EVI5: variants seen among roughly 807,000 people sequenced by gnomAD.
EVI5 encodes ecotropic viral integration site 5 protein homolog.
Under a neutral mutation model 112.0 loss-of-function variants are expected in EVI5, and 73 were observed. That is an observed-to-expected ratio of 0.65 (90% confidence interval 0.54 to 0.79). The LOEUF is 0.79. EVI5 is among the 30% of genes least tolerant of loss of function. The pLI is 0.00. For missense variants in EVI5, 900 were observed against 968.8 expected, an observed-to-expected ratio of 0.93 and a Z score of 0.94; for synonymous variants, 305 against 319.9, an observed-to-expected ratio of 0.95 and a Z score of 0.50.
intron 16 of EVI5, among the ~76,000 whole-genome samples, chr1:92,620,807 A>T (rs984934727): frequency 5.3e-5 from 8 of 152,192 alleles, no homozygotes; most frequent in African/African-American, 1.9e-4. Flanking sequence ...AAGAGTGCTG[A>T]AACAGAATAT....
chr1:92,699,533 G>A (rs779770494), intron 5 of EVI5, among the ~76,000 whole-genome samples: 1 of 152,098 alleles, frequency 6.6e-6, no homozygotes, highest in African/African-American at 2.4e-5. Context: ...CACAGCACTG[G>A]AAGGGGACAG....
chr1:92,783,550 A>G (rs1174481670), intron 1 of EVI5, among the ~76,000 whole-genome samples: 1 of 151,502 alleles, frequency 6.6e-6, no homozygotes, highest in Non-Finnish European at 1.5e-5. Flanking sequence ...ACGGTGGCTC[A>G]CGCCTGTAAC....
chr1:92,761,044 C>A (rs779656274), intron 1 of EVI5, among the ~76,000 whole-genome samples: 11 of 114,746 alleles, frequency 9.6e-5, no homozygotes, highest in Admixed American at 2.5e-4. Context: ...GGCAACACAG[C>A]GAGGCTCCAT....
At chr1:92,606,864 T>C (rs1402878102) in intron 17 of EVI5, among the ~76,000 whole-genome samples, 2 of 149,758 alleles carry the variant, frequency 1.3e-5, no homozygotes, top group African/African-American at 4.9e-5. Flanking sequence ...ATGCCCAGTC[T>C]ACAGTCATCT....
chr1:92,766,917 A>G (rs937990674), intron 1 of EVI5, among the ~76,000 whole-genome samples: 13 of 152,058 alleles, frequency 8.5e-5, no homozygotes, highest in African/African-American at 3.1e-4. Flanking sequence ...CTCTGTCCCT[A>G]CTGAAAATAC....
chr1:92,610,643 T>C (rs1299106364), intron 16 of EVI5, among the ~76,000 whole-genome samples: 1 of 152,110 alleles, frequency 6.6e-6, no homozygotes. Flanking sequence ...AGAAAATTTC[T>C]ATAAATACAG....
rs186453002 is a variant in EVI5 at position 92,650,580 on chromosome 1, A to C, written c.1392+12139T>G. Among the ~76,000 whole-genome samples the C allele has an allele frequency of 1.2e-3, 177 of 152,142 alleles. 1 individual carries two copies. In the Middle Eastern group the frequency reaches 0.017, roughly 15 times the overall value. On this transcript the variant is annotated intron_variant, in intron 13 of 19. Transcript: ENST00000684568. ...TCTTACAGATATGTTTTAACTTTTT[A>C]TCCAATCTTATAATTGGTATATTTA...
intron 2 of EVI5, among the ~76,000 whole-genome samples, chr1:92,715,030 G>A (rs182665209): frequency 7.2e-5 from 11 of 151,782 alleles, no homozygotes; most frequent in African/African-American, 2.7e-4. Flanking sequence ...TTTTGAGATG[G>A]AGTCTCACTC....
chr1:92,768,747 T>G (rs2103029221), intron 1 of EVI5, among the ~76,000 whole-genome samples: 1 of 152,170 alleles, frequency 6.6e-6, no homozygotes, highest in East Asian at 1.9e-4. Context: ...TGGCAGCACA[T>G]GCCTGTAGTC....
chr1:92,529,064 A>G (rs1223069317), intron 19 of EVI5, among the ~76,000 whole-genome samples: 1 of 152,194 alleles, frequency 6.6e-6, no homozygotes, highest in Non-Finnish European at 1.5e-5. Flanking sequence ...ATGACCAGTA[A>G]GTTATGTATT....
chr1:92,522,696 A>C (rs1252420681), intron 19 of EVI5, among the ~76,000 whole-genome samples: 2 of 150,348 alleles, frequency 1.3e-5, no homozygotes, highest in South Asian at 2.1e-4. Flanking sequence ...GTTTCCCTAC[A>C]ACTTTGCATC....
chr1:92,610,157 G>C (rs964102265), intron 16 of EVI5, among the ~76,000 whole-genome samples: 1 of 152,080 alleles, frequency 6.6e-6, no homozygotes, highest in Non-Finnish European at 1.5e-5. Flanking sequence ...AAAATCCTGC[G>C]ATCACAGGCA....
chr1:92,731,429 C>T (rs942225120), intron 2 of EVI5, among the ~76,000 whole-genome samples: 1 of 152,170 alleles, frequency 6.6e-6, no homozygotes, highest in Non-Finnish European at 1.5e-5. Context: ...TTTACAAAAA[C>T]AATACCATTG....
At chr1:92,758,793 C>G (rs1342496720) in intron 1 of EVI5, among the ~76,000 whole-genome samples, 1 of 151,144 alleles carries the variant, frequency 6.6e-6, no homozygotes, top group African/African-American at 2.4e-5. Flanking sequence ...TTCTAATTAT[C>G]TCCAATATGG....
intron 18 of EVI5, among the ~76,000 whole-genome samples, chr1:92,589,151 G>T (rs61288876): frequency 6.6e-6 from 1 of 152,056 alleles, no homozygotes; most frequent in African/African-American, 2.4e-5. Flanking sequence ...CAATATGGCC[G>T]AATAGGAACA....
chr1:92,662,665 G>A, intron 13 of EVI5, 54 bp downstream of exon 13: 1 of 1,075,938 alleles, frequency 9.3e-7, no homozygotes, highest in Non-Finnish European at 1.2e-6. Flanking sequence ...AAAAAAAAAT[G>A]ATTGAAAGGA....
At chr1:92,779,654 A>G (rs1225029015) in intron 1 of EVI5, among the ~76,000 whole-genome samples, 2 of 152,204 alleles carry the variant, frequency 1.3e-5, no homozygotes, top group Non-Finnish European at 2.9e-5. Flanking sequence ...ACTGGCCTGC[A>G]AAAGGGAATA....
intron 2 of EVI5, among the ~76,000 whole-genome samples, chr1:92,727,401 T>G (rs947078985): frequency 1.3e-5 from 2 of 152,190 alleles, no homozygotes; most frequent in African/African-American, 2.4e-5. Flanking sequence ...CCATCTGACT[T>G]ACTTTGGCCA....
chr1:92,754,846 G>A (rs1045478637), intron 1 of EVI5, among the ~76,000 whole-genome samples: 1 of 152,138 alleles, frequency 6.6e-6, no homozygotes, highest in African/African-American at 2.4e-5. Flanking sequence ...ATAAGGAAGT[G>A]GAGACCACTG....
Sources: gnomAD v4.1 joint callset for allele counts (sites outside exome capture counted in the v4.1 genomes callset) on GRCh38, gnomAD v4.1.1 for gene constraint, MANE v1.5 for transcripts, NCBI Gene and HGNC (gene_info 2026-07-23, HGNC 2026-07-21) for gene names.